Variants in KREMEN1 observed in about 807,000 individuals in gnomAD.
KREMEN1 encodes the protein kringle containing transmembrane protein 1.
In KREMEN1, 30 loss-of-function variants were observed where a neutral mutation model predicts 46.5. The observed-to-expected ratio is 0.65, with a 90% confidence interval of 0.48 to 0.88. KREMEN1 has a LOEUF of 0.88. Among genes scored for constraint, KREMEN1 ranks in the 40% least tolerant of loss-of-function variants. KREMEN1 has a pLI of 0.00. For missense variants in KREMEN1, 533 were observed against 596.9 expected, an observed-to-expected ratio of 0.89 and a Z score of 1.11; for synonymous variants, 214 against 230.6, an observed-to-expected ratio of 0.93 and a Z score of 0.65.
At chr22:29,114,391 C>T (rs1211762637) in intron 3 of KREMEN1, among the ~76,000 whole-genome samples, 1 of 147,602 alleles carries the variant, frequency 6.8e-6, no homozygotes, top group African/African-American at 2.5e-5. Flanking sequence ...GAGGCTGAGG[C>T]AGGAGAATCA....
chr22:29,146,066 TCTG>T lies in KREMEN1; in HGVS notation c.*3958_*3960del, dbSNP rs1415496598. On this transcript the variant is annotated 3_prime_UTR_variant, in exon 9 of 9. Coordinates refer to ENST00000400335, the MANE Select transcript of KREMEN1 (RefSeq NM_001039570.3). Reference sequence around the variant, plus strand: ...GGCCTCCGAGACCCTGCCTCCCTGGTCTGCTGAGGTCAGGCCAGGTCTCCCACG... The same window carrying T: ...GGCCTCCGAGACCCTGCCTCCCTGGTCTGAGGTCAGGCCAGGTCTCCCACG... The T allele has an allele frequency of 3.0e-6, 3 of 985,658 alleles. No homozygotes were observed. In the African/African-American group the frequency reaches 5.2e-5, roughly 17 times the overall value. 61.1% of individuals were successfully genotyped at this position (985,658 alleles called of 1,614,324 possible).
In KREMEN1 at chr22:29,145,753, C is replaced by T. The variant is rs2073154601; in HGVS notation, c.*3641C>T. The T allele has an allele frequency of 4.1e-6, 4 of 985,424 alleles. No homozygotes were observed. Among genetic ancestry groups the T allele is most frequent in the African/African-American group, 1.7e-5 (1 of 57,244 alleles). 61.0% of individuals were successfully genotyped at this position (985,424 alleles called of 1,614,324 possible). A position where few individuals can be genotyped will look rare whatever the true frequency, so the allele number is the denominator to read the frequency against. On this transcript the variant is annotated 3_prime_UTR_variant, in exon 9 of 9. Transcript: ENST00000400335. ...GGCTTGAGGCCTCTCTGGGCGTGAG[C>T]GAGGAAACCAGGCTGCTCTAACTTC...
intron 1 of KREMEN1, among the ~76,000 whole-genome samples, chr22:29,091,633 C>T (rs1490805837): frequency 1.3e-5 from 2 of 152,168 alleles, no homozygotes; most frequent in Non-Finnish European, 2.9e-5. Flanking sequence ...AACAGAACCA[C>T]CTGGGCTGCC....
intron 5 of KREMEN1, among the ~76,000 whole-genome samples, chr22:29,126,501 G>A (rs1225587392): frequency 6.6e-6 from 1 of 152,042 alleles, no homozygotes; most frequent in Non-Finnish European, 1.5e-5. Context: ...CCCTCTGTGT[G>A]TGTCTGTGTG....
intron 3 of KREMEN1, among the ~76,000 whole-genome samples, chr22:29,100,703 G>C (rs193104611): frequency 7.8e-4 from 119 of 152,266 alleles, no homozygotes; most frequent in Non-Finnish European, 1.5e-3. Flanking sequence ...GCAGTTAACA[G>C]TGAAACAGCC....
Position 29,158,260 on chromosome 22 carries a change from G to C in KREMEN1, c.1417-8784G>C, listed in dbSNP as rs6006033. Among the ~76,000 whole-genome samples, 1,001 of 152,274 alleles carry C rather than the reference G, an allele frequency of 6.6e-3. 9 individuals carry two copies. Among genetic ancestry groups the C allele is most frequent in the African/African-American group, 0.023 (941 of 41,552 alleles). On this transcript the variant is annotated intron_variant, in intron 9 of 9. Transcript: ENST00000327813. ...GTGCAGCCAGCCATGGCAGTAGAGGGACAAAATGATGCCGGAGCAAGAGAC... is the reference window on the plus strand; with the variant it reads ...GTGCAGCCAGCCATGGCAGTAGAGGCACAAAATGATGCCGGAGCAAGAGAC...
chr22:29,149,586 G>A (rs370904600), downstream of KREMEN1, among the ~76,000 whole-genome samples: 14 of 152,150 alleles, frequency 9.2e-5, no homozygotes, highest in East Asian at 9.6e-4. Context: ...ATGGCTGGTG[G>A]AAAACAAACA....
chr22:29,099,021 C>T (rs1239194024), intron 3 of KREMEN1, 68 bp downstream of exon 3: 13 of 1,211,698 alleles, frequency 1.1e-5, no homozygotes, highest in Non-Finnish European at 1.6e-5. Flanking sequence ...AGAGGGAGGC[C>T]CCTGCCAGAG....
chr22:29,079,865 C>A (rs1404125317), intron 1 of KREMEN1, among the ~76,000 whole-genome samples: 4 of 152,194 alleles, frequency 2.6e-5, no homozygotes, highest in Non-Finnish European at 4.4e-5. Flanking sequence ...GGATTGCTAA[C>A]CAATCCCATC....
At chr22:29,101,252 C>CAA (rs368843166) in intron 3 of KREMEN1, among the ~76,000 whole-genome samples, 2,043 of 74,668 alleles carry the variant, frequency 0.027, 76 homozygotes, top group African/African-American at 0.095. Flanking sequence ...AGTCTGTCTC[C>CAA]AAAAAAAAAA....
Position 29,146,135 on chromosome 22 carries a change from G to A in KREMEN1, c.*4023G>A, listed in dbSNP as rs1339070382. The stretch of plus-strand genomic sequence containing the variant: ...ACACCCCACCACCTGGCACCGTTAG[G>A]TTTCAGATCTCCCGTGTGGTGTTTG... On this transcript the variant is annotated 3_prime_UTR_variant, in exon 9 of 9. Coordinates refer to ENST00000400335, the MANE Select transcript of KREMEN1 (RefSeq NM_001039570.3). 1 of 985,942 alleles carries A rather than the reference G, an allele frequency of 1.0e-6. No homozygotes were observed. Among genetic ancestry groups the A allele is most frequent in the Non-Finnish European group, 1.2e-6 (1 of 829,990 alleles). The allele number at this position is 985,942 out of a possible 1,614,324, so 61.1% of individuals were successfully genotyped here.
intron 3 of KREMEN1, among the ~76,000 whole-genome samples, chr22:29,119,190 A>C (rs981965667): frequency 2.0e-5 from 3 of 152,154 alleles, no homozygotes; most frequent in Non-Finnish European, 1.5e-5. Flanking sequence ...TCAATTCAAT[A>C]GTTAAAAAAA....
intron 3 of KREMEN1, among the ~76,000 whole-genome samples, chr22:29,109,986 G>C (rs1351270723): frequency 6.6e-6 from 1 of 152,176 alleles, no homozygotes; most frequent in African/African-American, 2.4e-5. Flanking sequence ...TTCTTCCCAG[G>C]GACACAGCAG....
chr22:29,094,539 C>A, intron 2 of KREMEN1, 119 bp downstream of exon 2: 86 of 667,056 alleles, frequency 1.3e-4, no homozygotes, highest in Middle Eastern at 4.5e-4. Context: ...AGAGACTTAT[C>A]TTGTCAGTTT....
At chr22:29,094,686 C>G (rs1003764577) in intron 2 of KREMEN1, among the ~76,000 whole-genome samples, 10 of 149,074 alleles carry the variant, frequency 6.7e-5, no homozygotes, top group African/African-American at 2.2e-4. Flanking sequence ...TGCAGTGGCG[C>G]GATCTCGGCT....
chr22:29,139,399 C>T (rs767211378), intron 7 of KREMEN1, among the ~76,000 whole-genome samples: 3 of 151,428 alleles, frequency 2.0e-5, no homozygotes, highest in Non-Finnish European at 2.9e-5. Context: ...GCCAGGAGTT[C>T]GAGACTAGCC....
At chr22:29,082,192 T>C (rs1443124073) in intron 1 of KREMEN1, among the ~76,000 whole-genome samples, 1 of 152,104 alleles carries the variant, frequency 6.6e-6, no homozygotes, top group African/African-American at 2.4e-5. Flanking sequence ...AAACTAAGAA[T>C]ATAAAATTCA....
intron 9 of KREMEN1, among the ~76,000 whole-genome samples, chr22:29,157,501 C>G (rs2038973786): frequency 6.6e-6 from 1 of 152,246 alleles, no homozygotes; most frequent in South Asian, 2.1e-4. Context: ...CCACGCCCAG[C>G]TAATTTTTGT....
chr22:29,166,245 A>G (rs1458695816), intron 9 of KREMEN1, among the ~76,000 whole-genome samples: 4 of 149,948 alleles, frequency 2.7e-5, no homozygotes, highest in Non-Finnish European at 5.9e-5. Context: ...TTTTTTCCAC[A>G]AATACTTATT....
Sources: gnomAD v4.1 joint callset for allele counts (sites outside exome capture counted in the v4.1 genomes callset) on GRCh38, gnomAD v4.1.1 for gene constraint, MANE v1.5 for transcripts, NCBI Gene and HGNC (gene_info 2026-07-23, HGNC 2026-07-21) for gene names.